The following MIPOL1 variants were observed in gnomAD, a reference collection of about 807,000 sequenced individuals.
The protein encoded by MIPOL1 is mirror-image polydactyly gene 1 protein.
Under a neutral mutation model 60.9 loss-of-function variants are expected in MIPOL1, and 57 were observed. The ratio of observed to expected loss-of-function variants is 0.94; its 90% CI spans 0.76 to 1.17. MIPOL1 has a LOEUF of 1.17. Among genes scored for constraint, MIPOL1 ranks in the 50% most tolerant of loss-of-function variants. The pLI, the probability that MIPOL1 is intolerant of heterozygous loss-of-function variation, is 0.00. For missense variants in MIPOL1, 551 were observed against 511.6 expected (o/e 1.08, Z -0.74); for synonymous variants, 179 against 168.8 (o/e 1.06, Z -0.47).
Position 37,270,435 on chromosome 14 carries a change from G to A in MIPOL1, c.403G>A (p.Ala135Thr). 1 of 1,584,202 alleles carries A rather than the reference G, an allele frequency of 6.3e-7. No individual in the cohort carries two copies. Among genetic ancestry groups the A allele is most frequent in the South Asian group, 1.2e-5 (1 of 86,618 alleles). The change falls in exon 6 of 13, where the codon GCT (alanine) becomes ACT (threonine). Residue 135 changes from alanine (A) to threonine (T), a missense_variant. Transcript: ENST00000684589. ...TSNKKLQQKL[A>T]KEDKEQRKLK... ...TGTGCTTTAGCTTCAGCAGAAATTG[G>A]CTAAAGAAGATAAAGAACAGAGAAA...
rs1005681791 is a variant in MIPOL1, at chr14:37,300,283, A to G, written c.624-7773A>G. Reference sequence around the variant, plus strand: ...TGAGGGGAGAATACTTACATACATTATATGTAATACTTTAATACAGGAGAT... The same window carrying G: ...TGAGGGGAGAATACTTACATACATTGTATGTAATACTTTAATACAGGAGAT... On this transcript the variant is annotated intron_variant, in intron 7 of 12. Transcript: ENST00000684589. Among the ~76,000 whole-genome samples the G allele has an allele frequency of 2.0e-5, 3 of 147,084 alleles. No homozygotes were observed. In the Admixed American group the frequency reaches 2.1e-4, roughly 10 times the overall value.
intron 12 of MIPOL1, among the ~76,000 whole-genome samples, chr14:37,538,775 A>G (rs1168534694): frequency 3.3e-5 from 5 of 152,148 alleles, no homozygotes; most frequent in Non-Finnish European, 5.9e-5. Flanking sequence ...CCACGTGAAT[A>G]AATCCGGGCC....
chr14:37,201,711 G>A (rs1035944387), intron 1 of MIPOL1, among the ~76,000 whole-genome samples: 8 of 152,114 alleles, frequency 5.3e-5, no homozygotes, highest in Non-Finnish European at 1.2e-4. Flanking sequence ...GGGCTGCCCA[G>A]TTCATCTTTT....
At chr14:37,211,241 C>A (rs1966839404) in intron 1 of MIPOL1, among the ~76,000 whole-genome samples, 1 of 116,040 alleles carries the variant, frequency 8.6e-6, no homozygotes, top group African/African-American at 3.3e-5. Context: ...AGAAAAAAAA[C>A]ACTTTCACGA....
intron 11 of MIPOL1, among the ~76,000 whole-genome samples, chr14:37,490,267 T>G (rs2095028461): frequency 6.6e-6 from 1 of 152,270 alleles, no homozygotes; most frequent in Non-Finnish European, 1.5e-5. Context: ...TAAAACTGCC[T>G]ACTCAAGCCT....
At chr14:37,464,630 G>T (rs1279588477) in intron 11 of MIPOL1, among the ~76,000 whole-genome samples, 1 of 152,042 alleles carries the variant, frequency 6.6e-6, no homozygotes, top group East Asian at 1.9e-4. Flanking sequence ...TTGCCTGTTG[G>T]GTACAATGTT....
intron 3 of MIPOL1, among the ~76,000 whole-genome samples, chr14:37,262,326 T>C (rs1006934951): frequency 1.3e-5 from 2 of 152,066 alleles, no homozygotes; most frequent in Admixed American, 1.3e-4. Context: ...AAAAAGTTTT[T>C]GCCCATTGAA....
intron 9 of MIPOL1, among the ~76,000 whole-genome samples, chr14:37,340,787 T>C (rs947047063): frequency 1.3e-5 from 2 of 152,154 alleles, no homozygotes; most frequent in Admixed American, 6.5e-5. Flanking sequence ...AAGTGTACAA[T>C]TTTTATAAAA....
chr14:37,380,486 G>A (rs1241811018), intron 10 of MIPOL1, among the ~76,000 whole-genome samples: 1 of 152,090 alleles, frequency 6.6e-6, no homozygotes, highest in Admixed American at 6.6e-5. Flanking sequence ...TATAGCCTAT[G>A]CAGGTTCATC....
At chr14:37,406,121 T>A (rs1448775700) in intron 10 of MIPOL1, among the ~76,000 whole-genome samples, 2 of 152,134 alleles carry the variant, frequency 1.3e-5, no homozygotes, top group Non-Finnish European at 2.9e-5. Context: ...TGGTGCTTAT[T>A]TGAGTATCCA....
At chr14:37,361,612 T>C (rs1302160316) in intron 9 of MIPOL1, among the ~76,000 whole-genome samples, 8 of 926 alleles carry the variant, frequency 8.6e-3, no homozygotes, top group East Asian at 0.062. Context: ...CTCTCTCTCT[T>C]TTTTTTTTTT....
At chr14:37,316,716 C>G (rs969742189) in intron 9 of MIPOL1, among the ~76,000 whole-genome samples, 1 of 151,670 alleles carries the variant, frequency 6.6e-6, no homozygotes, top group African/African-American at 2.4e-5. Context: ...ATAATTGCAG[C>G]CTGTAATCCC....
chr14:37,389,368 C>A (rs61988194), intron 10 of MIPOL1, among the ~76,000 whole-genome samples: 33,149 of 151,882 alleles, frequency 0.22, 4,085 homozygotes, highest in South Asian at 0.33. Flanking sequence ...AAAGATAATC[C>A]CAGAGTTAAC....
At chr14:37,324,521 C>T (rs139730989) in intron 9 of MIPOL1, among the ~76,000 whole-genome samples, 5 of 152,042 alleles carry the variant, frequency 3.3e-5, no homozygotes, top group East Asian at 3.9e-4. Context: ...TTTTTGCTTG[C>T]GTATTTATTT....
chr14:37,381,366 C>T (rs1166663504), intron 10 of MIPOL1, among the ~76,000 whole-genome samples: 1 of 152,012 alleles, frequency 6.6e-6, no homozygotes, highest in Admixed American at 6.6e-5. Context: ...ACCCTATTGA[C>T]TTTTCGTATT....
chr14:37,346,357 G>A (rs1036223048), intron 9 of MIPOL1, among the ~76,000 whole-genome samples: 8 of 151,994 alleles, frequency 5.3e-5, no homozygotes, highest in African/African-American at 1.9e-4. Flanking sequence ...CTGAAGGTGT[G>A]GCCCTTTCAG....
intron 11 of MIPOL1, among the ~76,000 whole-genome samples, chr14:37,477,470 A>G (rs571866591): frequency 6.6e-6 from 1 of 152,108 alleles, no homozygotes; most frequent in Admixed American, 6.5e-5. Flanking sequence ...CACAGAATTG[A>G]TCTCTTTCAT....
chr14:37,298,296 T>C (rs1251431687), intron 7 of MIPOL1, among the ~76,000 whole-genome samples: 3 of 152,100 alleles, frequency 2.0e-5, no homozygotes, highest in African/African-American at 4.8e-5. Flanking sequence ...ATACAAAAAT[T>C]AATTCAAGAT....
At chr14:37,264,462 A>G (rs1179663621) in intron 3 of MIPOL1, among the ~76,000 whole-genome samples, 1 of 128,074 alleles carries the variant, frequency 7.8e-6, no homozygotes, top group Non-Finnish European at 1.6e-5. Flanking sequence ...CCCATCTCTG[A>G]AAAAAAAAAA....
Sources: allele counts gnomAD v4.1 joint callset (sites outside exome capture counted in the v4.1 genomes callset), GRCh38; gene constraint gnomAD v4.1.1; transcripts MANE v1.5; gene names NCBI Gene and HGNC (gene_info 2026-07-23, HGNC 2026-07-21).